The following REST variants were observed in gnomAD, a reference collection of about 807,000 sequenced individuals.
REST encodes RE1-silencing transcription factor.
Under a neutral mutation model 30.4 loss-of-function variants are expected in REST, and 1 was observed. That is an observed-to-expected ratio of 0.03 (90% CI 0.01 to 0.16). The LOEUF (loss-of-function observed/expected upper bound fraction) is 0.16. Ranked by LOEUF, REST falls within the 10% of genes least tolerant of loss-of-function variation. The pLI, the probability that REST is intolerant of heterozygous loss-of-function variation, is 1.00. For synonymous variants in REST, 504 were observed against 451.1 expected, an observed-to-expected ratio of 1.12 and a Z score of -1.49; for missense variants, 1,259 against 1,329.5, an observed-to-expected ratio of 0.95 and a Z score of 0.82.
chr4:56,917,826 T>C (rs28625367), intron 2 of REST, among the ~76,000 whole-genome samples: 32,738 of 149,366 alleles, frequency 0.22, 3,740 homozygotes, highest in Non-Finnish European at 0.25. Flanking sequence ...CCGAGGTGAG[T>C]GGATCACGAG....
chr4:56,915,143 G>A (rs2109534757), intron 2 of REST, among the ~76,000 whole-genome samples: 1 of 149,554 alleles, frequency 6.7e-6, no homozygotes, highest in African/African-American at 2.5e-5. Context: ...GGCTGGTCTC[G>A]AACTCCCGGC....
chr4:56,909,259 C>A (rs1029570435), intron 1 of REST: 2 of 152,370 alleles, frequency 1.3e-5, no homozygotes, highest in Non-Finnish European at 2.9e-5. Context: ...CGAGAGGAAG[C>A]GAGAGCGCCC....
At chr4:56,920,997 C>G (rs1199268445) in intron 3 of REST, among the ~76,000 whole-genome samples, 2 of 152,080 alleles carry the variant, frequency 1.3e-5, no homozygotes, top group African/African-American at 4.8e-5. Flanking sequence ...TCCTGAATAG[C>G]TGGGATTACA....
chr4:56,926,630 C>T (rs542282499), intron 3 of REST, among the ~76,000 whole-genome samples: 1 of 152,032 alleles, frequency 6.6e-6, no homozygotes, highest in South Asian at 2.1e-4. Context: ...AGGCGTGACC[C>T]ACCGCGCCCT....
chr4:56,920,835 G>C (rs1241159269), intron 3 of REST, among the ~76,000 whole-genome samples: 5 of 152,106 alleles, frequency 3.3e-5, no homozygotes, highest in Non-Finnish European at 7.3e-5. Flanking sequence ...AGCCCTGATT[G>C]ACTCTTGGTG....
rs996358054 is a variant in REST at position 56,934,931 on chromosome 4, T to C, written c.*2779T>C. ...TTGGTTTTCAAGATATTTTAAGTTA[T>C]ATTTTTTCCTCTTTTCAGAGCTGCT... On this transcript the variant is annotated 3_prime_UTR_variant, in exon 4 of 4. Transcript: ENST00000309042. 6.6e-5 allele frequency: 10 copies of C among 152,186 alleles called. No individual in the cohort carries two copies. The highest frequency in any genetic ancestry group is 2.4e-4 in the African/African-American group (10 of 41,464). 9.4% of individuals were successfully genotyped at this position (152,186 alleles called of 1,614,324 possible). A position where few individuals can be genotyped will look rare whatever the true frequency, so the allele number is the denominator to read the frequency against.
chr4:56,928,137 C>T (rs905681909), intron 3 of REST, among the ~76,000 whole-genome samples: 7 of 152,058 alleles, frequency 4.6e-5, no homozygotes, highest in South Asian at 2.1e-4. Context: ...GACGAAGTTT[C>T]GCTCTTGTCG....
Position 56,933,113 on chromosome 4 carries a change from G to A in REST, c.*961G>A, listed in dbSNP as rs1336807452. On this transcript the variant is annotated 3_prime_UTR_variant, in exon 4 of 4. Coordinates refer to ENST00000309042, the MANE Select transcript of REST (RefSeq NM_005612.5). The stretch of plus-strand genomic sequence containing the variant: ...AACTTATTTATTTCGAATGGATGTA[G>A]TAAATTCACAGCTATCAGTTTTGAT... 1 of 151,664 alleles carries A rather than the reference G, an allele frequency of 6.6e-6. No homozygotes were observed. The highest frequency in any genetic ancestry group is 6.6e-5 in the Admixed American group (1 of 15,246). The allele number at this position is 151,664 out of a possible 1,614,324, so 9.4% of individuals were successfully genotyped here. A position where few individuals can be genotyped will look rare whatever the true frequency, so the allele number is the denominator to read the frequency against.
intron 2 of REST, among the ~76,000 whole-genome samples, chr4:56,918,051 CAAA>C (rs528213458): frequency 7.1e-5 from 7 of 98,130 alleles, no homozygotes; most frequent in Admixed American, 2.1e-4. Context: ...GACTCCGTCT[CAAA>C]AAAAAAAAAA....
At chr4:56,913,709 C>T (rs1413005796) in intron 2 of REST, among the ~76,000 whole-genome samples, 4 of 152,070 alleles carry the variant, frequency 2.6e-5, no homozygotes, top group Admixed American at 1.3e-4. Context: ...AGTGCAGTGA[C>T]GCGATCTCGG....
At chr4:56,915,232 G>A (rs1472767172) in intron 2 of REST, among the ~76,000 whole-genome samples, 1 of 120,758 alleles carries the variant, frequency 8.3e-6, no homozygotes, top group Non-Finnish European at 1.7e-5. Flanking sequence ...GTGTGTGTGT[G>A]TGTGTGTATT....
chr4:56,930,043 CTA>C lies in REST; in HGVS notation c.1187_1188del (p.Tyr396CysfsTer7). On this transcript the variant is annotated frameshift_variant, in exon 4 of 4. Coordinates refer to ENST00000309042, the MANE Select transcript of REST (RefSeq NM_005612.5). LOFTEE classifies it low-confidence loss of function (END_TRUNC). ...PRQFNCPVCD[Y>X]AASKKCNLQY... ...GGCAGTTCAATTGCCCTGTATGTGA[CTA>C]TGCAGCTTCCAAGAAGTGTAATCTA... The C allele has an allele frequency of 6.2e-7, 1 of 1,614,164 alleles. No individual in the cohort carries two copies. Among genetic ancestry groups the C allele is most frequent in the Non-Finnish European group, 8.5e-7 (1 of 1,180,026 alleles).
At position 56,933,429 on chromosome 4, in the gene REST, G is replaced by T. The variant is rs550288590; in HGVS notation, c.*1277G>T. ...GATTCCAAAGCCATAGCTATTACGCGGCAAACCTAGGATAAGAAAGGTAGT... is the reference window on the plus strand; with the variant it reads ...GATTCCAAAGCCATAGCTATTACGCTGCAAACCTAGGATAAGAAAGGTAGT... On this transcript the variant is annotated 3_prime_UTR_variant, in exon 4 of 4. Coordinates refer to ENST00000309042, the MANE Select transcript of REST (RefSeq NM_005612.5). The T allele has an allele frequency of 7.2e-5, 11 of 152,088 alleles. No individual in the cohort carries two copies. The highest frequency in any genetic ancestry group is 5.9e-4 in the Admixed American group (9 of 15,262). 9.4% of individuals were successfully genotyped at this position (152,088 alleles called of 1,614,324 possible). A position where few individuals can be genotyped will look rare whatever the true frequency, so the allele number is the denominator to read the frequency against.
intron 3 of REST, among the ~76,000 whole-genome samples, chr4:56,922,719 A>G (rs1476421633): frequency 6.6e-6 from 1 of 152,242 alleles, no homozygotes; most frequent in Non-Finnish European, 1.5e-5. Flanking sequence ...ATTGAAAAAA[A>G]TACGACCTTT....
rs1207526426 is a variant in REST at position 56,911,594 on chromosome 4, G to C, written c.898+58G>C. 3 of 1,403,636 alleles carry C rather than the reference G, an allele frequency of 2.1e-6. No homozygotes were observed. In the African/African-American group the frequency reaches 4.3e-5, roughly 20 times the overall value. The allele number at this position is 1,403,636 out of a possible 1,614,324, so 86.9% of individuals were successfully genotyped here. A position where few individuals can be genotyped will look rare whatever the true frequency, so the allele number is the denominator to read the frequency against. On this transcript the variant is annotated intron_variant, in intron 2 of 3. Transcript: ENST00000309042. Reference sequence around the variant, plus strand: ...TCTCTTTTCTGATTGTTACTTGAGTGGTTAGTTAAGTAGTGCTTGAGAAAA... The same window carrying C: ...TCTCTTTTCTGATTGTTACTTGAGTCGTTAGTTAAGTAGTGCTTGAGAAAA...
At chr4:56,919,641 T>A in intron 2 of REST, 146 bp from the exon 3 acceptor site, 1 of 466,464 alleles carries the variant, frequency 2.1e-6, no homozygotes, top group Non-Finnish European at 3.9e-6. Context: ...TTTAAGTACA[T>A]GATAAATTGA....
At position 56,934,042 on chromosome 4, in the gene REST, TTCTTC is replaced by T. The variant is rs1001288850; in HGVS notation, c.*1895_*1899del. ...GCCAAAGATTTAAAGAAGCGGAAGA[TTCTTC>T]TCTTAAGACATGAGGAGTAAGTTGT... On this transcript the variant is annotated 3_prime_UTR_variant, in exon 4 of 4. Coordinates refer to ENST00000309042, the MANE Select transcript of REST (RefSeq NM_005612.5). The T allele has an allele frequency of 7.9e-5, 12 of 152,212 alleles. No individual in the cohort carries two copies. Among genetic ancestry groups the T allele is most frequent in the Admixed American group, 2.0e-4 (3 of 15,272 alleles). 9.4% of individuals were successfully genotyped at this position (152,212 alleles called of 1,614,324 possible). A position where few individuals can be genotyped will look rare whatever the true frequency, so the allele number is the denominator to read the frequency against.
At position 56,931,620 on chromosome 4, in the gene REST, C is replaced by T. The variant is rs1297121603; in HGVS notation, c.2762C>T (p.Ser921Phe). The T allele has an allele frequency of 1.2e-6, 2 of 1,614,234 alleles. No individual in the cohort carries two copies. The highest frequency in any genetic ancestry group is 1.3e-5 in the African/African-American group (1 of 75,054). The change falls in exon 4 of 4, where the codon TCC becomes TTC. Residue 921 changes from serine to phenylalanine, a missense_variant. Ser to Phe is a radical substitution (Grantham distance 155, BLOSUM62 -2). Transcript: ENST00000309042. ...ANINESTHIS[S>F]SGQNLNTPEG... ...ATCAACGAATCTACCCATATTTCAT[C>T]CTCTGGACAAAACTTGAATACGCCA... is the stretch of plus-strand genomic sequence containing the variant.
Position 56,933,201 on chromosome 4 carries a change from CA to C in REST, c.*1050del. On this transcript the variant is annotated 3_prime_UTR_variant, in exon 4 of 4. Coordinates refer to ENST00000309042, the MANE Select transcript of REST (RefSeq NM_005612.5). ...AATTTTTATCTCAAATACCAACCAT[CA>C]GTTTTTTTTTTCATGTGTTTTGGTA... 6.6e-6 allele frequency: 1 copy of C among 151,926 alleles called. No individual in the cohort carries two copies. Among genetic ancestry groups the C allele is most frequent in the Non-Finnish European group, 1.5e-5 (1 of 67,996 alleles). The allele number at this position is 151,926 out of a possible 1,614,324, so 9.4% of individuals were successfully genotyped here.
Sources: gnomAD v4.1 joint callset for allele counts (sites outside exome capture counted in the v4.1 genomes callset) on GRCh38, gnomAD v4.1.1 for gene constraint, MANE v1.5 for transcripts, NCBI Gene and HGNC (gene_info 2026-07-23, HGNC 2026-07-21) for gene names.